SPAG16: variants seen among roughly 807,000 people sequenced by gnomAD.
The protein encoded by SPAG16 is sperm-associated antigen 16 protein.
In SPAG16, 86 loss-of-function variants were observed where a neutral mutation model predicts 80.4. The ratio of observed to expected loss-of-function variants is 1.07; its 90% CI spans 0.90 to 1.28. The LOEUF is 1.28. Among genes scored for constraint, SPAG16 ranks in the 50% most tolerant of loss-of-function variants. SPAG16 has a pLI of 0.00. For missense variants in SPAG16, 870 were observed against 765.3 expected, an observed-to-expected ratio of 1.14 and a Z score of -1.61; for synonymous variants, 294 against 265.9, an observed-to-expected ratio of 1.11 and a Z score of -1.03.
intron 15 of SPAG16, among the ~76,000 whole-genome samples, chr2:214,396,098 C>G (rs1171806784): frequency 6.6e-6 from 1 of 152,092 alleles, no homozygotes; most frequent in Admixed American, 6.6e-5. Flanking sequence ...TCTTCTGCGA[C>G]TCATCACACT....
At chr2:213,912,376 A>G (rs889566551) in intron 11 of SPAG16, among the ~76,000 whole-genome samples, 1 of 152,184 alleles carries the variant, frequency 6.6e-6, no homozygotes, top group East Asian at 1.9e-4. Flanking sequence ...AATATTTGCT[A>G]TATAAGAGAG....
chr2:213,851,593 T>C (rs1348321972), intron 10 of SPAG16, among the ~76,000 whole-genome samples: 1 of 152,206 alleles, frequency 6.6e-6, no homozygotes, highest in African/African-American at 2.4e-5. Context: ...ATTGAGTATC[T>C]ATTAGGTCTA....
At chr2:214,331,176 A>T (rs1312694531) in intron 15 of SPAG16, among the ~76,000 whole-genome samples, 1 of 152,060 alleles carries the variant, frequency 6.6e-6, no homozygotes, top group Admixed American at 6.5e-5. Context: ...TTGCTTGTTC[A>T]TTTACTGTCA....
chr2:213,446,607 A>T (rs904213318), intron 9 of SPAG16, among the ~76,000 whole-genome samples: 2 of 152,214 alleles, frequency 1.3e-5, no homozygotes, highest in African/African-American at 4.8e-5. Context: ...TTTCTGTCTC[A>T]CCAGTTTCCC....
chr2:214,409,005 CT>C (rs1182585502), intron 15 of SPAG16, among the ~76,000 whole-genome samples: 3 of 151,034 alleles, frequency 2.0e-5, no homozygotes, highest in Non-Finnish European at 4.4e-5. Flanking sequence ...TTAATACTAA[CT>C]AATATATTAA....
intron 12 of SPAG16, among the ~76,000 whole-genome samples, chr2:213,982,822 A>G (rs2045826717): frequency 6.6e-6 from 1 of 152,042 alleles, no homozygotes; most frequent in African/African-American, 2.4e-5. Context: ...TTTGTTTTTG[A>G]TTTGTCAATG....
At position 214,240,721 on chromosome 2, in the gene SPAG16, A is replaced by C. The variant is rs935862059; in HGVS notation, c.1720+91455A>C. The C allele has an allele frequency of 2.0e-5, 3 of 152,216 alleles. No individual in the cohort carries two copies. The South Asian group carries it at 6.2e-4, about 32-fold the overall frequency. 9.4% of individuals were successfully genotyped at this position (152,216 alleles called of 1,614,324 possible). A position where few individuals can be genotyped will look rare whatever the true frequency, so the allele number is the denominator to read the frequency against. On this transcript the variant is annotated intron_variant, in intron 15 of 15. Transcript: ENST00000331683. ...TTATGCAAGATAAAAATCATCTAAG[A>C]TTATAATGCAAATCAGTCATCATAA...
chr2:214,146,738 T>C (rs964827769), intron 14 of SPAG16, among the ~76,000 whole-genome samples: 2 of 152,144 alleles, frequency 1.3e-5, no homozygotes, highest in East Asian at 1.9e-4. Context: ...CAGTGGCTCA[T>C]ACCTGTAATC....
In SPAG16 at chr2:213,284,628, C is replaced by G. The variant is rs570295523; in HGVS notation, c.136+9C>G. 6.2e-7 allele frequency: 1 copy of G among 1,603,800 alleles called. No individual in the cohort carries two copies. Among genetic ancestry groups the G allele is most frequent in the South Asian group, 1.1e-5 (1 of 90,376 alleles). On this transcript the variant is annotated intron_variant, in intron 1 of 15. Coordinates refer to ENST00000331683, the MANE Select transcript of SPAG16 (RefSeq NM_024532.5). Reference sequence around the variant, plus strand: ...CGCCTACTACCTGGAACGTATCCTTCCCGTGGAGGCGCGGCCCGCTGCGCT... The same window carrying G: ...CGCCTACTACCTGGAACGTATCCTTGCCGTGGAGGCGCGGCCCGCTGCGCT...
chr2:214,030,608 TAAC>T, intron 13 of SPAG16, among the ~76,000 whole-genome samples: 1 of 152,354 alleles, frequency 6.6e-6, no homozygotes, highest in South Asian at 2.1e-4. Context: ...TTTCTGGTAA[TAAC>T]ATGTCTTTCA....
chr2:214,139,679 C>A (rs2125531035), intron 14 of SPAG16, among the ~76,000 whole-genome samples: 1 of 152,224 alleles, frequency 6.6e-6, no homozygotes, highest in East Asian at 1.9e-4. Context: ...GAGCACTGAA[C>A]TCTGAGCTTT....
intron 15 of SPAG16, among the ~76,000 whole-genome samples, chr2:214,377,135 TA>T (rs1490805276): frequency 7.9e-5 from 12 of 152,214 alleles, no homozygotes; most frequent in African/African-American, 2.7e-4. Context: ...AGTTTCCACT[TA>T]AAACACCATG....
At chr2:214,189,925 A>T (rs2125693621) in intron 15 of SPAG16, among the ~76,000 whole-genome samples, 1 of 152,110 alleles carries the variant, frequency 6.6e-6, no homozygotes, top group East Asian at 1.9e-4. Flanking sequence ...AAATTTTCCG[A>T]AATTGGGATC....
Position 214,278,105 on chromosome 2 carries a change from C to T in SPAG16, c.1720+128839C>T, listed in dbSNP as rs555301296. 6.6e-5 allele frequency among the ~76,000 whole-genome samples: 10 copies of T among 152,214 alleles called. 1 individual carries two copies. The South Asian group carries it at 1.2e-3, about 19-fold the overall frequency. On this transcript the variant is annotated intron_variant, in intron 15 of 15. Transcript: ENST00000331683. Reference sequence around the variant, plus strand: ...CTAGCAGTGAGCAAGGTTCTGTGGGCGTGGGACCCACCGAGCCAGGCGCAG... The same window carrying T: ...CTAGCAGTGAGCAAGGTTCTGTGGGTGTGGGACCCACCGAGCCAGGCGCAG...
chr2:214,396,278 AGTTT>A (rs1336599268), intron 15 of SPAG16, among the ~76,000 whole-genome samples: 1 of 149,308 alleles, frequency 6.7e-6, no homozygotes, highest in Non-Finnish European at 1.5e-5. Context: ...AAAGTCCTCC[AGTTT>A]GTTTTTTTAA....
intron 6 of SPAG16, among the ~76,000 whole-genome samples, chr2:213,348,320 A>G (rs1369641760): frequency 6.6e-6 from 1 of 151,438 alleles, no homozygotes; most frequent in African/African-American, 2.4e-5. Context: ...ATGGGTCTTG[A>G]CTCCTTATCC....
intron 10 of SPAG16, among the ~76,000 whole-genome samples, chr2:213,677,172 T>G (rs1006716960): frequency 2.6e-5 from 4 of 152,018 alleles, no homozygotes; most frequent in African/African-American, 9.7e-5. Flanking sequence ...CATGCCAAAA[T>G]GTAGAGACCA....
chr2:213,924,376 C>T (rs1575565224), intron 11 of SPAG16, among the ~76,000 whole-genome samples: 1 of 152,148 alleles, frequency 6.6e-6, no homozygotes, highest in Non-Finnish European at 1.5e-5. Context: ...ACTCTCTCAC[C>T]CTTTCCCATT....
chr2:213,772,436 A>T (rs533569969), intron 10 of SPAG16, among the ~76,000 whole-genome samples: 1 of 152,244 alleles, frequency 6.6e-6, no homozygotes, highest in Non-Finnish European at 1.5e-5. Flanking sequence ...CTATGTAGCA[A>T]ATAATCTTCT....
Sources: allele counts gnomAD v4.1 joint callset (sites outside exome capture counted in the v4.1 genomes callset), GRCh38; gene constraint gnomAD v4.1.1; transcripts MANE v1.5; gene names NCBI Gene and HGNC (gene_info 2026-07-23, HGNC 2026-07-21).